The following MAP4K3 variants were observed in gnomAD, a reference collection of about 807,000 sequenced individuals.
MAP4K3 encodes mitogen-activated protein kinase kinase kinase kinase 3.
In MAP4K3, 94 loss-of-function variants were observed where a neutral mutation model predicts 143.5. The observed-to-expected ratio is 0.65, with a 90% confidence interval of 0.55 to 0.78. The LOEUF (loss-of-function observed/expected upper bound fraction) is 0.78. Among genes scored for constraint, MAP4K3 ranks in the 30% least tolerant of loss-of-function variants. MAP4K3 has a pLI of 0.00. For synonymous variants in MAP4K3, 416 were observed against 347.2 expected (o/e 1.20, Z -2.20); for missense variants, 1,077 against 1,068.1 (o/e 1.01, Z -0.12).
At chr2:39,360,441 A>G (rs1665734787) in intron 2 of MAP4K3, among the ~76,000 whole-genome samples, 2 of 151,834 alleles carry the variant, frequency 1.3e-5, no homozygotes, top group South Asian at 4.1e-4. Context: ...ACTTTTCCAC[A>G]TTTTCTTTTC....
intron 13 of MAP4K3, among the ~76,000 whole-genome samples, chr2:39,314,988 T>C (rs1473148894): frequency 6.6e-6 from 1 of 152,216 alleles, no homozygotes; most frequent in Non-Finnish European, 1.5e-5. Context: ...GTCTACTGAA[T>C]CTGAAACTGC....
chr2:39,379,180 T>G (rs1666296980), intron 1 of MAP4K3, among the ~76,000 whole-genome samples: 1 of 151,970 alleles, frequency 6.6e-6, no homozygotes, highest in Non-Finnish European at 1.5e-5. Flanking sequence ...CCATTAACAG[T>G]GGAATTCTTC....
chr2:39,408,839 A>G (rs1667163333), intron 1 of MAP4K3, among the ~76,000 whole-genome samples: 1 of 152,216 alleles, frequency 6.6e-6, no homozygotes, highest in Non-Finnish European at 1.5e-5. Context: ...AAGTAACATC[A>G]GGCAATCTGG....
intron 1 of MAP4K3, among the ~76,000 whole-genome samples, chr2:39,380,662 C>T (rs994887337): frequency 6.6e-6 from 1 of 152,124 alleles, no homozygotes; most frequent in Non-Finnish European, 1.5e-5. Flanking sequence ...GACCACCATT[C>T]TTCAAATGCT....
At chr2:39,313,623 C>A (rs1683016393) in intron 13 of MAP4K3, among the ~76,000 whole-genome samples, 2 of 152,084 alleles carry the variant, frequency 1.3e-5, no homozygotes, top group Admixed American at 1.3e-4. Flanking sequence ...AGCGAGTTTC[C>A]TGCCTCAGCC....
chr2:39,436,785 C>G, intron 1 of MAP4K3, 107 bp downstream of exon 1: 1 of 932,124 alleles, frequency 1.1e-6, no homozygotes, highest in Non-Finnish European at 1.7e-6. Context: ...CCCGACTGCT[C>G]CCTGGCGCCA....
At chr2:39,271,985 C>G (rs1681045200) in intron 26 of MAP4K3, 1 of 218,104 alleles carries the variant, frequency 4.6e-6, no homozygotes, top group Non-Finnish European at 8.9e-6. Flanking sequence ...ATGTCAAAAG[C>G]AAAGGCACTA....
At chr2:39,300,552 G>C (rs920954029) in intron 15 of MAP4K3, among the ~76,000 whole-genome samples, 1 of 152,178 alleles carries the variant, frequency 6.6e-6, no homozygotes, top group Non-Finnish European at 1.5e-5. Context: ...GCTGCCTTTT[G>C]TCCTCTTCTT....
intron 1 of MAP4K3, among the ~76,000 whole-genome samples, chr2:39,413,885 G>A (rs75859652): frequency 0.017 from 2,515 of 152,068 alleles, 30 homozygotes; most frequent in Non-Finnish European, 0.022. Context: ...GAAAATATAC[G>A]ATTCAGATAT....
At chr2:39,371,360 G>A (rs1242094808) in intron 2 of MAP4K3, among the ~76,000 whole-genome samples, 1 of 152,174 alleles carries the variant, frequency 6.6e-6, no homozygotes, top group Non-Finnish European at 1.5e-5. Flanking sequence ...TACGATGGAT[G>A]TGAACACTGT....
intron 2 of MAP4K3, among the ~76,000 whole-genome samples, chr2:39,365,775 G>A (rs911300683): frequency 4.6e-5 from 7 of 152,158 alleles, no homozygotes; most frequent in African/African-American, 1.7e-4. Flanking sequence ...CTATAGCCAA[G>A]AGAAAAATGT....
intron 1 of MAP4K3, among the ~76,000 whole-genome samples, chr2:39,385,580 A>C (rs1396416186): frequency 3.4e-5 from 2 of 59,130 alleles, no homozygotes; most frequent in African/African-American, 4.6e-5. Context: ...ATATATATAT[A>C]TATATATATA....
At chr2:39,335,522 C>G (rs1664919953) in intron 6 of MAP4K3, among the ~76,000 whole-genome samples, 2 of 152,214 alleles carry the variant, frequency 1.3e-5, no homozygotes, top group Admixed American at 1.3e-4. Flanking sequence ...ATTCTCTTCT[C>G]TTCAATAATA....
chr2:39,405,087 C>G lies in MAP4K3; in HGVS notation c.97-26964G>C, dbSNP rs139613474. 8.8e-4 allele frequency among the ~76,000 whole-genome samples: 134 copies of G among 152,290 alleles called. 1 individual carries two copies. The highest frequency in any genetic ancestry group is 3.1e-3 in the African/African-American group (130 of 41,552). On this transcript the variant is annotated intron_variant, in intron 1 of 33. Transcript: ENST00000263881. ...GTCTTGAGCAAACATAGGCAGTAACCAGGTAGGGGTCACAGCGGGCCTTGG... is the reference window on the plus strand; with the variant it reads ...GTCTTGAGCAAACATAGGCAGTAACGAGGTAGGGGTCACAGCGGGCCTTGG...
intron 2 of MAP4K3, among the ~76,000 whole-genome samples, chr2:39,370,118 C>T (rs902763288): frequency 1.3e-5 from 2 of 152,168 alleles, no homozygotes; most frequent in East Asian, 1.9e-4. Flanking sequence ...ATAAGAAATA[C>T]ACTGCAGATA....
At chr2:39,322,810 C>G (rs968563784) in intron 12 of MAP4K3, among the ~76,000 whole-genome samples, 1 of 151,786 alleles carries the variant, frequency 6.6e-6, no homozygotes, top group African/African-American at 2.4e-5. Context: ...GCTGGGATTA[C>G]ACGCATGAGC....
In MAP4K3 at chr2:39,326,261, C is replaced by T; in HGVS notation, c.547G>A (p.Ala183Thr). 6.2e-7 allele frequency: 1 copy of T among 1,613,846 alleles called. No homozygotes were observed. Among genetic ancestry groups the T allele is most frequent in the Non-Finnish European group, 8.5e-7 (1 of 1,179,878 alleles). Reference protein sequence around the residue: ...GTPYWMAPEVAAVERKGGYNQ... With the variant: ...GTPYWMAPEVTAVERKGGYNQ... ...TAACCCCCCTTCCTCTCAACAGCTGCAACTTCTGGAGCCATCCTGAAATAA... is the reference window on the plus strand; with the variant it reads ...TAACCCCCCTTCCTCTCAACAGCTGTAACTTCTGGAGCCATCCTGAAATAA... Residue 183 changes from alanine (A) to threonine (T), a missense_variant, in exon 9 of 34, where the codon GCA (alanine) becomes ACA (threonine). By Grantham distance (58) the Ala-to-Thr change is moderately conservative (BLOSUM62 0). Transcript: ENST00000263881.
chr2:39,380,827 A>G (rs1558677488), intron 1 of MAP4K3, among the ~76,000 whole-genome samples: 1 of 152,174 alleles, frequency 6.6e-6, no homozygotes, highest in South Asian at 2.1e-4. Context: ...ATTGGGATAG[A>G]ATCCACATAC....
chr2:39,276,695 T>TA (rs1681267948), intron 24 of MAP4K3, among the ~76,000 whole-genome samples: 1 of 152,222 alleles, frequency 6.6e-6, no homozygotes, highest in Non-Finnish European at 1.5e-5. Flanking sequence ...CGTGGACACA[T>TA]AGTAAGCTTT....
Sources: gnomAD v4.1 joint callset for allele counts (sites outside exome capture counted in the v4.1 genomes callset) on GRCh38, gnomAD v4.1.1 for gene constraint, MANE v1.5 for transcripts, NCBI Gene and HGNC (gene_info 2026-07-23, HGNC 2026-07-21) for gene names.